Variants in WWOX observed in about 807,000 individuals in gnomAD.
WWOX encodes the protein WW domain-containing oxidoreductase.
WWOX carries 69 observed loss-of-function variants against 46.2 expected under a neutral mutation model. The ratio of observed to expected loss-of-function variants is 1.49; its 90% CI spans 1.23 to 1.82. The LOEUF (loss-of-function observed/expected upper bound fraction) is 1.82, where lower values mean the gene tolerates loss of function less well. WWOX is among the 40% of genes most tolerant of loss of function. The pLI, the probability that WWOX is intolerant of heterozygous loss-of-function variation, is 0.00. For missense variants in WWOX, 919 were observed against 542.6 expected, an observed-to-expected ratio of 1.69 and a Z score of -6.89; for synonymous variants, 359 against 202.6, an observed-to-expected ratio of 1.77 and a Z score of -6.56.
chr16:78,997,174 G>A (rs750303400), intron 8 of WWOX, among the ~76,000 whole-genome samples: 3 of 151,572 alleles, frequency 2.0e-5, no homozygotes, highest in African/African-American at 4.8e-5. Context: ...TTTTCCGGGG[G>A]AAGAGGAGGA....
chr16:78,887,465 T>G (rs1381198438), intron 8 of WWOX, among the ~76,000 whole-genome samples: 1 of 109,354 alleles, frequency 9.1e-6, no homozygotes, highest in East Asian at 2.8e-4. Flanking sequence ...ACAAAGTATA[T>G]AAAACACACA....
At chr16:78,968,625 T>G (rs1261912269) in intron 8 of WWOX, among the ~76,000 whole-genome samples, 1 of 152,186 alleles carries the variant, frequency 6.6e-6, no homozygotes, top group Non-Finnish European at 1.5e-5. Context: ...AGGTTCATGA[T>G]GGTGACAAAA....
At chr16:78,699,374 CAA>C (rs57002311) in intron 8 of WWOX, among the ~76,000 whole-genome samples, 3 of 127,164 alleles carry the variant, frequency 2.4e-5, no homozygotes, top group Non-Finnish European at 1.8e-5. Flanking sequence ...ACAAAAAATA[CAA>C]AAAAAAAAAA....
At chr16:79,032,981 C>T (rs1056768904) in intron 8 of WWOX, among the ~76,000 whole-genome samples, 1 of 151,502 alleles carries the variant, frequency 6.6e-6, no homozygotes, top group African/African-American at 2.4e-5. Flanking sequence ...TATGTGCTCT[C>T]ATCATTTAGT....
chr16:78,800,231 G>A (rs895089125), intron 8 of WWOX, among the ~76,000 whole-genome samples: 1 of 147,510 alleles, frequency 6.8e-6, no homozygotes, highest in Non-Finnish European at 1.5e-5. Flanking sequence ...TTGTGTAAAT[G>A]TTCATTGTTC....
intron 8 of WWOX, among the ~76,000 whole-genome samples, chr16:78,464,152 A>G (rs2084018807): frequency 5.9e-5 from 9 of 152,138 alleles, no homozygotes. Context: ...CTGAGACCTA[A>G]TGCTTATTGC....
chr16:79,193,416 C>G (rs1442711842), intron 8 of WWOX, among the ~76,000 whole-genome samples: 1 of 152,164 alleles, frequency 6.6e-6, no homozygotes, highest in African/African-American at 2.4e-5. Context: ...CTCACTGAAA[C>G]TTGAATCAAA....
intron 5 of WWOX, among the ~76,000 whole-genome samples, chr16:78,355,311 G>T (rs926391559): frequency 1.3e-5 from 2 of 152,052 alleles, no homozygotes; most frequent in African/African-American, 4.8e-5. Context: ...AGATAAAAAT[G>T]CGTGTATGGT....
chr16:78,901,371 T>C (rs941433240), intron 8 of WWOX, among the ~76,000 whole-genome samples: 2 of 152,242 alleles, frequency 1.3e-5, no homozygotes, highest in Non-Finnish European at 2.9e-5. Context: ...ATATTTCGGA[T>C]GGAATTTTGG....
intron 5 of WWOX, among the ~76,000 whole-genome samples, chr16:78,232,100 A>G (rs1033963004): frequency 6.6e-6 from 1 of 152,188 alleles, no homozygotes; most frequent in Non-Finnish European, 1.5e-5. Flanking sequence ...AATGGTAGAA[A>G]GTACAAGTAA....
At chr16:78,597,365 T>C (rs1363292039) in intron 8 of WWOX, among the ~76,000 whole-genome samples, 1 of 152,230 alleles carries the variant, frequency 6.6e-6, no homozygotes, top group Non-Finnish European at 1.5e-5. Flanking sequence ...TTCATTCATT[T>C]GGATTCTACG....
chr16:78,731,987 C>A (rs768042676), intron 8 of WWOX, among the ~76,000 whole-genome samples: 7 of 151,918 alleles, frequency 4.6e-5, no homozygotes, highest in Non-Finnish European at 8.8e-5. Context: ...GTTGGGACAA[C>A]AGGTATGCAC....
At chr16:78,419,625 C>CAAAAAAAAAAAAAAAAAA (rs60762734) in intron 6 of WWOX, among the ~76,000 whole-genome samples, 79 of 44,404 alleles carry the variant, frequency 1.8e-3, no homozygotes, top group Non-Finnish European at 2.0e-3. Context: ...CAAAAAATAG[C>CAAAAAAAAAAAAAAAAAA]AAAAAAAAAA....
At chr16:78,780,268 A>T (rs1221878958) in intron 8 of WWOX, 1 of 152,316 alleles carries the variant, frequency 6.6e-6, no homozygotes, top group East Asian at 1.9e-4. Context: ...AGGGAGATCC[A>T]TAAAGTTCTT....
rs530439234 is a variant in WWOX at position 78,418,777 on chromosome 16, A to G, written c.606-6093A>G. Among the ~76,000 whole-genome samples, 4 of 152,336 alleles carry G rather than the reference A, an allele frequency of 2.6e-5. No individual in the cohort carries two copies. The South Asian group carries it at 8.3e-4, about 32-fold the overall frequency. ...GATGAAAACTTTTAGTAAACTTGGA[A>G]CAAAGTGGCATTTTCTCAACTCAAT... On this transcript the variant is annotated intron_variant, in intron 6 of 8. Transcript: ENST00000566780.
intron 8 of WWOX, among the ~76,000 whole-genome samples, chr16:78,902,547 C>T (rs905108149): frequency 4.6e-5 from 7 of 152,202 alleles, no homozygotes; most frequent in African/African-American, 7.2e-5. Context: ...GTGACTGCTG[C>T]GGGGGCCTAG....
chr16:78,954,332 A>ATGGATGGT (rs1243958808), intron 8 of WWOX, among the ~76,000 whole-genome samples: 3 of 151,908 alleles, frequency 2.0e-5, no homozygotes, highest in African/African-American at 7.3e-5. Flanking sequence ...GGATGGAGGG[A>ATGGATGGT]TGGATGGTTG....
chr16:78,662,835 G>T (rs1240576811), intron 8 of WWOX, among the ~76,000 whole-genome samples: 1 of 152,116 alleles, frequency 6.6e-6, no homozygotes, highest in Non-Finnish European at 1.5e-5. Context: ...GCTGTTGGTT[G>T]TTGGCTGTTG....
chr16:78,308,996 G>C (rs865790723), intron 5 of WWOX, among the ~76,000 whole-genome samples: 3 of 152,104 alleles, frequency 2.0e-5, no homozygotes, highest in African/African-American at 7.2e-5. Context: ...GAATCCATGT[G>C]ATATGGTTTG....
Sources: gnomAD v4.1 joint callset for allele counts (sites outside exome capture counted in the v4.1 genomes callset) on GRCh38, gnomAD v4.1.1 for gene constraint, MANE v1.5 for transcripts, NCBI Gene and HGNC (gene_info 2026-07-23, HGNC 2026-07-21) for gene names.